The following DNASE1L3 variants were observed in gnomAD, a reference collection of about 807,000 sequenced individuals.
The protein encoded by DNASE1L3 is deoxyribonuclease 1L3.
In DNASE1L3, 27 loss-of-function variants were observed where a neutral mutation model predicts 30.9. That is an observed-to-expected ratio of 0.87 (90% confidence interval 0.64 to 1.20). The LOEUF is 1.20. Ranked by LOEUF, DNASE1L3 falls within the 50% of genes most tolerant of loss-of-function variation. DNASE1L3 has a pLI of 0.00. For synonymous variants in DNASE1L3, 135 were observed against 138.0 expected, an observed-to-expected ratio of 0.98 and a Z score of 0.15; for missense variants, 364 against 378.2, an observed-to-expected ratio of 0.96 and a Z score of 0.31.
At chr3:58,196,028 C>T (rs1427655118) in intron 6 of DNASE1L3, among the ~76,000 whole-genome samples, 1 of 152,132 alleles carries the variant, frequency 6.6e-6, no homozygotes, top group Admixed American at 6.5e-5. Flanking sequence ...CAATCACTTC[C>T]CACTCATTTG....
chr3:58,193,451 G>A lies in DNASE1L3; in HGVS notation c.705-12C>T. 6.2e-7 allele frequency: 1 copy of A among 1,605,974 alleles called. No individual in the cohort carries two copies. Among genetic ancestry groups the A allele is most frequent in the Non-Finnish European group, 8.5e-7 (1 of 1,173,316 alleles). ...CTCTAAGCACAATCCTGGAACAAGG[G>A]GAGGGAAAACAGTTGTGTTAATCCA... On this transcript the variant is annotated splice_polypyrimidine_tract_variant and intron_variant, in intron 6 of 7. Coordinates refer to ENST00000394549, the MANE Select transcript of DNASE1L3 (RefSeq NM_004944.4).
chr3:58,195,782 T>C (rs1575495457), intron 6 of DNASE1L3, among the ~76,000 whole-genome samples: 1 of 151,740 alleles, frequency 6.6e-6, no homozygotes, highest in East Asian at 1.9e-4. Context: ...CAGGACTCTG[T>C]CTCAAAAAAA....
intron 6 of DNASE1L3, among the ~76,000 whole-genome samples, chr3:58,194,936 G>A (rs1033250234): frequency 1.3e-5 from 2 of 152,134 alleles, no homozygotes; most frequent in Non-Finnish European, 2.9e-5. Context: ...CCCGGGCTAC[G>A]GCTTTTAATT....
At chr3:58,195,987 A>T (rs2097397079) in intron 6 of DNASE1L3, among the ~76,000 whole-genome samples, 1 of 152,116 alleles carries the variant, frequency 6.6e-6, no homozygotes, top group Non-Finnish European at 1.5e-5. Flanking sequence ...TACTGTGGCC[A>T]TGTTGCCTTC....
Position 58,197,741 on chromosome 3 carries a change from CA to C in DNASE1L3, c.704+79del. The C allele has an allele frequency of 6.3e-7, 1 of 1,598,576 alleles. No individual in the cohort carries two copies. The highest frequency in any genetic ancestry group is 8.5e-7 in the Non-Finnish European group (1 of 1,170,010). ...GTGCTAGGACTACTGGCGTGAGCCA[CA>C]GTGCCCAGCCACCTTGCGTCTTTCC... is the stretch of plus-strand genomic sequence containing the variant. On this transcript the variant is annotated intron_variant, in intron 6 of 7. Transcript: ENST00000394549. This position sits in a 1 kb window ranked among gnomAD's most constrained non-coding sequence, Gnocchi z 5.3.
rs764861720 is a variant in DNASE1L3, at chr3:58,208,295, G to A, written c.153C>T (p.Arg51=). The change falls in exon 2 of 8, where the codon CGC becomes CGT. Residue 51 remains arginine, a synonymous_variant. Transcript: ENST00000394549. ...AMDVIVKVIK[R]CDIILVMEIK... is the part of the protein sequence containing the mutation. The stretch of plus-strand genomic sequence containing the variant: ...TTTCCATCACGAGTATGATGTCACA[G>A]CGTTTGATGACCTGCAAGAAAGAGA... The A allele has an allele frequency of 1.1e-5, 17 of 1,614,104 alleles. No homozygotes were observed. The Admixed American group carries it at 2.8e-4, about 27-fold the overall frequency.
At chr3:58,209,833 C>T (rs2097406494) in intron 1 of DNASE1L3, among the ~76,000 whole-genome samples, 1 of 152,208 alleles carries the variant, frequency 6.6e-6, no homozygotes, top group Admixed American at 6.5e-5. Flanking sequence ...GGCTCCTGGC[C>T]CCCCTACCAC....
At chr3:58,202,248 T>C (rs6797541) in intron 4 of DNASE1L3, among the ~76,000 whole-genome samples, 101,331 of 147,156 alleles carry the variant, frequency 0.69, 35,412 homozygotes, top group Middle Eastern at 0.76. Context: ...CAGGTTCAAG[T>C]GATTCTCCTG....
chr3:58,209,940 A>G (rs1166249891), intron 1 of DNASE1L3, among the ~76,000 whole-genome samples: 1 of 152,206 alleles, frequency 6.6e-6, no homozygotes, highest in Non-Finnish European at 1.5e-5. Flanking sequence ...AACCTGTAGG[A>G]TAAAGGGAGT....
In DNASE1L3 at chr3:58,192,977, A is replaced by G; in HGVS notation, c.802-174T>C. On this transcript the variant is annotated intron_variant, in intron 7 of 7. Transcript: ENST00000394549. The surrounding 1 kb of genome is among the most constrained non-coding windows in gnomAD (Gnocchi z 4.8). ...AGACCAGCTCGATCAGAAATTTTGG[A>G]GGGGCCTCAAATCACAGAATCATAG... 14 of 1,435,046 alleles carry G rather than the reference A, an allele frequency of 9.8e-6. No homozygotes were observed. The highest frequency in any genetic ancestry group is 1.3e-5 in the Non-Finnish European group (14 of 1,101,780). The allele number at this position is 1,435,046 out of a possible 1,614,324, so 88.9% of individuals were successfully genotyped here. A position where few individuals can be genotyped will look rare whatever the true frequency, so the allele number is the denominator to read the frequency against.
In DNASE1L3 at chr3:58,192,364, G is replaced by T. The variant is rs572535224; in HGVS notation, c.*323C>A. The T allele has an allele frequency of 1.0e-5, 2 of 190,578 alleles. No homozygotes were observed. Among genetic ancestry groups the T allele is most frequent in the South Asian group, 2.4e-4 (2 of 8,400 alleles). The allele number at this position is 190,578 out of a possible 1,614,324, so 11.8% of individuals were successfully genotyped here. On this transcript the variant is annotated 3_prime_UTR_variant, in exon 8 of 8. Transcript: ENST00000394549. The surrounding 1 kb of genome is among the most constrained non-coding windows in gnomAD (Gnocchi z 4.8). Reference sequence around the variant, plus strand: ...CCCCTCATGAGGACTGAAAGCTGACGCTCTTCCTCCCCCTGCAGCCTCTCG... The same window carrying T: ...CCCCTCATGAGGACTGAAAGCTGACTCTCTTCCTCCCCCTGCAGCCTCTCG...
rs148913823 is a variant in DNASE1L3, at chr3:58,210,013, G to A, written c.141+753C>T. The stretch of plus-strand genomic sequence containing the variant: ...ATTGGGTATATCACCCAAGGAAAGC[G>A]TAAGCGAAAGTGGAAGGAGTGGGGA... On this transcript the variant is annotated intron_variant, in intron 1 of 7. Coordinates refer to ENST00000394549, the MANE Select transcript of DNASE1L3 (RefSeq NM_004944.4). 7.7e-4 allele frequency among the ~76,000 whole-genome samples: 117 copies of A among 152,174 alleles called. 1 individual carries two copies. Among genetic ancestry groups the A allele is most frequent in the South Asian group, 2.1e-3 (10 of 4,810 alleles).
At chr3:58,199,421 G>A (rs1212384359) in intron 5 of DNASE1L3, among the ~76,000 whole-genome samples, 3 of 152,186 alleles carry the variant, frequency 2.0e-5, no homozygotes, top group Non-Finnish European at 2.9e-5. Flanking sequence ...TGTAATCCCA[G>A]CACTTTGGGA....
At position 58,210,821 on chromosome 3, in the gene DNASE1L3, C is replaced by A. The variant is rs1172599280; in HGVS notation, c.86G>T (p.Arg29Met). ...LAMRICSFNVRSFGESKQEDK... is the reference protein window; with the variant it reads ...LAMRICSFNVMSFGESKQEDK... ...TTCCTGCTTGCTTTCCCCAAAGGAC[C>A]TGACGTTGAAGGAGCAGATCCTCAT... The change falls in exon 1 of 8, where the codon AGG becomes ATG. Residue 29 changes from arginine to methionine, a missense_variant. By Grantham distance (91) the Arg-to-Met change is moderately conservative (BLOSUM62 -1). Transcript: ENST00000394549. 2 of 1,614,156 alleles carry A rather than the reference C, an allele frequency of 1.2e-6. No homozygotes were observed. Among genetic ancestry groups the A allele is most frequent in the South Asian group, 2.2e-5 (2 of 91,084 alleles).
At chr3:58,209,992 G>C (rs376757510) in intron 1 of DNASE1L3, among the ~76,000 whole-genome samples, 1 of 152,090 alleles carries the variant, frequency 6.6e-6, no homozygotes, top group African/African-American at 2.4e-5. Context: ...CCGGACATTG[G>C]GTATATCACC....
intron 4 of DNASE1L3, 71 bp downstream of exon 4, chr3:58,204,698 A>G: frequency 7.5e-7 from 1 of 1,327,110 alleles, no homozygotes; most frequent in Non-Finnish European, 1.1e-6. Flanking sequence ...TAATGGGCTC[A>G]TGCTCAAGGC....
intron 2 of DNASE1L3, among the ~76,000 whole-genome samples, chr3:58,206,455 T>G (rs1045191313): frequency 7.2e-5 from 11 of 152,198 alleles, no homozygotes; most frequent in African/African-American, 2.7e-4. Flanking sequence ...TCTGCCGGGC[T>G]TCCACTTTGG....
intron 5 of DNASE1L3, among the ~76,000 whole-genome samples, chr3:58,199,642 G>A (rs1300515419): frequency 6.6e-6 from 1 of 150,792 alleles, no homozygotes; most frequent in East Asian, 2.0e-4. Context: ...CCAGCCTGGG[G>A]ACAAGAGCGA....
chr3:58,205,614 T>C, intron 2 of DNASE1L3, 54 bp from the exon 3 acceptor site: 1 of 1,453,784 alleles, frequency 6.9e-7, no homozygotes, highest in East Asian at 2.3e-5. Flanking sequence ...TCCCCTACTG[T>C]ACATGTTCCT....
Sources: gnomAD v4.1 joint callset for allele counts (sites outside exome capture counted in the v4.1 genomes callset) on GRCh38, gnomAD v4.1.1 for gene constraint, Gnocchi (gnomAD v3.1) non-coding constraint, MANE v1.5 for transcripts, NCBI Gene and HGNC (gene_info 2026-07-23, HGNC 2026-07-21) for gene names.